ZNF438: variants seen among roughly 807,000 people sequenced by gnomAD.
The protein encoded by ZNF438 is zinc finger protein 438.
In ZNF438, 25 loss-of-function variants were observed where a neutral mutation model predicts 38.0. The observed-to-expected ratio is 0.66, with a 90% CI of 0.48 to 0.92. The LOEUF (loss-of-function observed/expected upper bound fraction) is 0.92, where lower values mean the gene tolerates loss of function less well. Ranked by LOEUF, ZNF438 falls within the 40% of genes least tolerant of loss-of-function variation. The pLI is 0.00. For missense variants in ZNF438, 1,007 were observed against 999.6 expected (o/e 1.01, Z -0.10); for synonymous variants, 372 against 364.1 (o/e 1.02, Z -0.25).
chr10:30,910,226 C>T (rs566773553), intron 2 of ZNF438: 143 of 152,202 alleles, frequency 9.4e-4, no homozygotes, highest in African/African-American at 3.3e-3. Flanking sequence ...AGAGGAAAGA[C>T]CATACTTAAA....
At chr10:30,918,559 T>C (rs964585694) in intron 2 of ZNF438, among the ~76,000 whole-genome samples, 3 of 152,192 alleles carry the variant, frequency 2.0e-5, no homozygotes, top group African/African-American at 7.2e-5. Context: ...AAAATACTCA[T>C]TTCTCAGGGT....
intron 1 of ZNF438, among the ~76,000 whole-genome samples, chr10:30,969,441 C>CA: frequency 6.6e-6 from 1 of 151,670 alleles, no homozygotes; most frequent in Non-Finnish European, 1.5e-5. Context: ...CACTGAATAA[C>CA]AAATATGCAG....
chr10:30,963,223 C>A (rs755334505), intron 1 of ZNF438, among the ~76,000 whole-genome samples: 1 of 151,712 alleles, frequency 6.6e-6, no homozygotes, highest in South Asian at 2.1e-4. Context: ...GAAACCCTGT[C>A]TCTACCAAAA....
intron 1 of ZNF438, among the ~76,000 whole-genome samples, chr10:31,009,515 A>G (rs2055459684): frequency 6.6e-6 from 1 of 152,198 alleles, no homozygotes; most frequent in Admixed American, 6.5e-5. Context: ...TCACTCAAAA[A>G]ATACTAAGTA....
exon 5 of ZNF438, chr10:30,850,337 T>C (rs762304351): frequency 1.2e-6 from 2 of 1,613,780 alleles, no homozygotes; most frequent in African/African-American, 1.3e-5. Context: ...TTTCCTACTC[T>C]GTATTGTTCC....
intron 1 of ZNF438, among the ~76,000 whole-genome samples, chr10:30,942,110 C>T (rs545015879): frequency 7.2e-5 from 11 of 152,224 alleles, no homozygotes; most frequent in Non-Finnish European, 1.2e-4. Flanking sequence ...TGACACAAGG[C>T]GCTACGGGAT....
At chr10:30,877,131 A>C in intron 3 of ZNF438, 66 bp from the exon 5 acceptor site, 1 of 860,022 alleles carries the variant, frequency 1.2e-6, no homozygotes, top group Non-Finnish European at 1.7e-6. Context: ...TGCATACTAA[A>C]TATAGAAATT....
chr10:30,977,996 A>C (rs1340848666), intron 1 of ZNF438, among the ~76,000 whole-genome samples: 1 of 151,994 alleles, frequency 6.6e-6, no homozygotes, highest in East Asian at 1.9e-4. Context: ...AAAAAAAAAA[A>C]GATTCTAAGG....
chr10:30,970,105 TACACACAC>T (rs55745286), intron 1 of ZNF438, among the ~76,000 whole-genome samples: 31,010 of 145,072 alleles, frequency 0.21, 3,520 homozygotes, highest in East Asian at 0.3. Flanking sequence ...TGCTGGCTGA[TACACACAC>T]ACACACACAC....
intron 1 of ZNF438, among the ~76,000 whole-genome samples, chr10:30,949,512 T>C (rs1412668678): frequency 2.6e-5 from 4 of 152,150 alleles, no homozygotes; most frequent in African/African-American, 9.7e-5. Flanking sequence ...ACCCATCTCA[T>C]GTGCAGAGAC....
At chr10:30,986,227 T>A (rs2052772441) in intron 1 of ZNF438, among the ~76,000 whole-genome samples, 1 of 152,186 alleles carries the variant, frequency 6.6e-6, no homozygotes. Flanking sequence ...CACTGTTGAG[T>A]CACTAACACT....
intron 1 of ZNF438, among the ~76,000 whole-genome samples, chr10:30,980,306 A>G (rs1245846532): frequency 6.6e-6 from 1 of 151,334 alleles, no homozygotes; most frequent in Admixed American, 6.6e-5. Flanking sequence ...CTGACTGGAG[A>G]GATACAATGA....
chr10:30,954,568 G>A (rs918710575), intron 1 of ZNF438, among the ~76,000 whole-genome samples: 37 of 152,066 alleles, frequency 2.4e-4, no homozygotes, highest in African/African-American at 8.9e-4. Context: ...AAGGCAAAAG[G>A]CCTCTAAGAA....
exon 5 of ZNF438, chr10:30,849,406 T>C (rs745410948): frequency 1.9e-6 from 3 of 1,614,224 alleles, no homozygotes; most frequent in East Asian, 4.5e-5. Context: ...TAAAGCCTTC[T>C]GTGGTGGAGG....
intron 3 of ZNF438, among the ~76,000 whole-genome samples, chr10:30,894,726 A>G (rs1327924690): frequency 6.6e-6 from 1 of 152,072 alleles, no homozygotes; most frequent in African/African-American, 2.4e-5. Context: ...GCATTTGAAG[A>G]AAAAAAATCA....
intron 3 of ZNF438, among the ~76,000 whole-genome samples, chr10:30,882,387 T>C (rs2039387394): frequency 6.6e-6 from 1 of 152,186 alleles, no homozygotes; most frequent in African/African-American, 2.4e-5. Flanking sequence ...AAAGCAAATG[T>C]CTATACAAAA....
At chr10:31,009,900 G>A (rs1309284907) in intron 1 of ZNF438, among the ~76,000 whole-genome samples, 6 of 144,908 alleles carry the variant, frequency 4.1e-5, no homozygotes, top group Non-Finnish European at 8.9e-5. Context: ...GCAGGCTGGA[G>A]TGCAGTGGCT....
intron 3 of ZNF438, among the ~76,000 whole-genome samples, chr10:30,906,598 A>G (rs2042610261): frequency 6.6e-6 from 1 of 152,184 alleles, no homozygotes. Flanking sequence ...AACCTCCAGT[A>G]CAAAGTTAAA....
intron 1 of ZNF438, among the ~76,000 whole-genome samples, chr10:31,015,249 T>C: frequency 6.6e-6 from 1 of 152,204 alleles, no homozygotes; most frequent in Non-Finnish European, 1.5e-5. Flanking sequence ...ATTACTATTA[T>C]TATCAATATT....
Sources: allele counts gnomAD v4.1 joint callset (sites outside exome capture counted in the v4.1 genomes callset), GRCh38; gene constraint gnomAD v4.1.1; transcripts MANE v1.5; gene names NCBI Gene and HGNC (gene_info 2026-07-23, HGNC 2026-07-21).